The following SETD2 variants were observed in gnomAD, a reference collection of about 807,000 sequenced individuals.
SETD2 encodes SET domain containing 2, histone lysine methyltransferase.
Under a neutral mutation model 242.1 loss-of-function variants are expected in SETD2, and 31 were observed. The ratio of observed to expected loss-of-function variants is 0.13; its 90% CI spans 0.10 to 0.17. The LOEUF (loss-of-function observed/expected upper bound fraction) is 0.17. Ranked by LOEUF, SETD2 falls within the 10% of genes least tolerant of loss-of-function variation. SETD2 has a pLI of 1.00. For synonymous variants in SETD2, 1,006 were observed against 1,066.5 expected (o/e 0.94, Z 1.11); for missense variants, 2,481 against 3,046.3 (o/e 0.81, Z 4.37).
chr3:47,103,468 A>C, intron 6 of SETD2, 45 bp from the exon 7 acceptor site: 1 of 1,299,034 alleles, frequency 7.7e-7, no homozygotes, highest in Non-Finnish European at 1.1e-6. Flanking sequence ...AATACCTTAA[A>C]TATTCATGCA....
chr3:47,085,804 T>C (rs1484831810), intron 11 of SETD2, among the ~76,000 whole-genome samples: 1 of 152,232 alleles, frequency 6.6e-6, no homozygotes. Context: ...GTTCATACTC[T>C]TGTTATGCAG....
At chr3:47,090,576 G>C (rs1167175317) in intron 9 of SETD2, among the ~76,000 whole-genome samples, 6 of 151,852 alleles carry the variant, frequency 4.0e-5, no homozygotes, top group African/African-American at 1.2e-4. Flanking sequence ...ATTTTTAGTA[G>C]AGACAGGGTT....
intron 1 of SETD2, among the ~76,000 whole-genome samples, chr3:47,152,785 G>C (rs913224538): frequency 4.6e-5 from 7 of 152,218 alleles, no homozygotes; most frequent in Non-Finnish European, 8.8e-5. Flanking sequence ...CTAGGTTCTT[G>C]CAAGCCCAGA....
chr3:47,048,328 G>A (rs1344622013), intron 15 of SETD2, among the ~76,000 whole-genome samples: 3 of 152,160 alleles, frequency 2.0e-5, no homozygotes, highest in African/African-American at 4.8e-5. Flanking sequence ...GGTAGAGGTT[G>A]CAGTGAACCG....
chr3:47,113,765 G>A, intron 5 of SETD2, 111 bp downstream of exon 5: 3 of 978,590 alleles, frequency 3.1e-6, no homozygotes, highest in Non-Finnish European at 4.4e-6. Flanking sequence ...CTTGAATCCG[G>A]GAGGTAGAGG....
chr3:47,122,224 C>T lies in SETD2; in HGVS notation c.2412G>A (p.Leu804=), dbSNP rs115937605. ...CAATATTTTCAGCTTCAGAGTTACA[C>T]AAAGAAGGGTTGCTATCGTTCAAAG... ...YCTLNDSNPS[L]CNSEAENIEP... is the part of the protein sequence containing the mutation. Residue 804 remains leucine, a synonymous_variant, in exon 3 of 21, where the codon TTG becomes TTA. Coordinates refer to ENST00000409792, the MANE Select transcript of SETD2 (RefSeq NM_014159.7). 4 of 1,614,096 alleles carry T rather than the reference C, an allele frequency of 2.5e-6. No individual in the cohort carries two copies. Among genetic ancestry groups the T allele is most frequent in the African/African-American group, 1.3e-5 (1 of 75,050 alleles).
At chr3:47,138,878 C>T (rs1406342110) in intron 1 of SETD2, among the ~76,000 whole-genome samples, 1 of 152,132 alleles carries the variant, frequency 6.6e-6, no homozygotes, top group Non-Finnish European at 1.5e-5. Context: ...TTACACTACT[C>T]CCCAGAAGGA....
chr3:47,076,169 G>C (rs1392540208), intron 12 of SETD2, among the ~76,000 whole-genome samples: 2 of 152,236 alleles, frequency 1.3e-5, no homozygotes, highest in African/African-American at 2.4e-5. Flanking sequence ...CTTTCCGGGG[G>C]GGAAAAGGAA....
At chr3:47,114,101 C>T (rs2107720962) in intron 4 of SETD2, 97 bp from the exon 5 acceptor site, 1 of 1,238,988 alleles carries the variant, frequency 8.1e-7, no homozygotes, top group Non-Finnish European at 1.1e-6. Flanking sequence ...TATATACATA[C>T]TTTTATGGTA....
At chr3:47,031,572 T>C (rs912834608) in intron 18 of SETD2, among the ~76,000 whole-genome samples, 1 of 152,168 alleles carries the variant, frequency 6.6e-6, no homozygotes, top group Non-Finnish European at 1.5e-5. Context: ...TGATTCCAGA[T>C]GGAAATTCAA....
chr3:47,162,038 T>C (rs185723397), intron 1 of SETD2, among the ~76,000 whole-genome samples: 6 of 152,048 alleles, frequency 3.9e-5, no homozygotes, highest in Middle Eastern at 3.4e-3. Flanking sequence ...TGTAAAACCA[T>C]AAAACATTCT....
intron 9 of SETD2, among the ~76,000 whole-genome samples, chr3:47,091,133 G>C (rs914179083): frequency 6.6e-6 from 1 of 152,042 alleles, no homozygotes; most frequent in Non-Finnish European, 1.5e-5. Context: ...CCAATTTAAA[G>C]TTGTCTTAAT....
At chr3:47,034,223 C>G (rs948177194) in intron 18 of SETD2, among the ~76,000 whole-genome samples, 1 of 152,180 alleles carries the variant, frequency 6.6e-6, no homozygotes, top group South Asian at 2.1e-4. Context: ...TCTCTAACAA[C>G]TGAGTGAAGC....
upstream of SETD2, among the ~76,000 whole-genome samples, chr3:47,164,767 C>T (rs1697622372): frequency 6.6e-6 from 1 of 152,250 alleles, no homozygotes; most frequent in Non-Finnish European, 1.5e-5. The surrounding 1 kb of genome is among the most constrained non-coding windows in gnomAD (Gnocchi z 5.4). Context: ...GCCTCCTCCG[C>T]CTTCCTTCCC....
chr3:47,065,174 T>G (rs959793273), intron 13 of SETD2, among the ~76,000 whole-genome samples: 5 of 152,180 alleles, frequency 3.3e-5, no homozygotes, highest in Non-Finnish European at 5.9e-5. Flanking sequence ...CAACCACTAT[T>G]GCCCAGTCCT....
At chr3:47,038,954 A>G (rs2039148886) in intron 17 of SETD2, among the ~76,000 whole-genome samples, 1 of 152,194 alleles carries the variant, frequency 6.6e-6, no homozygotes. Context: ...TCAGTCAACA[A>G]CATAACAACA....
Position 47,074,237 on chromosome 3 carries a change from T to G in SETD2, c.6061-7119A>C, listed in dbSNP as rs545725095. Reference sequence around the variant, plus strand: ...GCCAATTTTATTTTAAAAAATAAAATATATGCATAATATGCATAAATTATC... The same window carrying G: ...GCCAATTTTATTTTAAAAAATAAAAGATATGCATAATATGCATAAATTATC... On this transcript the variant is annotated intron_variant, in intron 12 of 20. Transcript: ENST00000409792. Among the ~76,000 whole-genome samples the G allele has an allele frequency of 3.3e-5, 5 of 152,294 alleles. No homozygotes were observed. The East Asian group carries it at 9.6e-4, about 29-fold the overall frequency.
chr3:47,073,570 A>G (rs2040921347), intron 12 of SETD2, among the ~76,000 whole-genome samples: 1 of 152,146 alleles, frequency 6.6e-6, no homozygotes, highest in Non-Finnish European at 1.5e-5. Context: ...GGAAAAGGGG[A>G]ATGAAATAAT....
intron 2 of SETD2, among the ~76,000 whole-genome samples, chr3:47,125,635 T>C (rs770270918): frequency 6.6e-6 from 1 of 152,158 alleles, no homozygotes; most frequent in African/African-American, 2.4e-5. Context: ...TTGGCACATA[T>C]CACTGTCTCT....
Sources: allele counts gnomAD v4.1 joint callset (sites outside exome capture counted in the v4.1 genomes callset), GRCh38; gene constraint gnomAD v4.1.1; non-coding constraint Gnocchi (gnomAD v3.1); transcripts MANE v1.5; gene names NCBI Gene and HGNC (gene_info 2026-07-23, HGNC 2026-07-21).